SLC35A3: variants seen among roughly 807,000 people sequenced by gnomAD.
The protein encoded by SLC35A3 is solute carrier family 35 member A3.
SLC35A3 carries 26 observed loss-of-function variants against 39.0 expected under a neutral mutation model. That is an observed-to-expected ratio of 0.67 (90% confidence interval 0.49 to 0.92). SLC35A3 has a LOEUF of 0.92. SLC35A3 is among the 40% of genes least tolerant of loss of function. The probability of loss-of-function intolerance (pLI) is 0.00; values close to 1 mark genes in which losing one functional copy is unlikely to be tolerated. For synonymous variants in SLC35A3, 135 were observed against 133.1 expected, an observed-to-expected ratio of 1.01 and a Z score of -0.10; for missense variants, 299 against 371.6, an observed-to-expected ratio of 0.80 and a Z score of 1.61.
intron 3 of SLC35A3, chr1:100,000,567 T>C (rs1411229910): frequency 6.6e-6 from 1 of 152,140 alleles, no homozygotes; most frequent in African/African-American, 2.4e-5. Flanking sequence ...TAGTTTAATA[T>C]AGTTCCATTA....
intron 3 of SLC35A3, among the ~76,000 whole-genome samples, chr1:100,003,138 G>A (rs1184377773): frequency 6.6e-6 from 1 of 151,920 alleles, no homozygotes; most frequent in Non-Finnish European, 1.5e-5. Flanking sequence ...TTTCTAGGCT[G>A]GGCACAGTGG....
chr1:99,977,087 A>G (rs1657150040), intron 1 of SLC35A3, among the ~76,000 whole-genome samples: 1 of 152,230 alleles, frequency 6.6e-6, no homozygotes, highest in Non-Finnish European at 1.5e-5. Flanking sequence ...AAAATCATTT[A>G]TGAATGCTAC....
intron 6 of SLC35A3, 77 bp downstream of exon 6, chr1:100,015,497 A>G (rs1263629824): frequency 6.9e-7 from 1 of 1,445,550 alleles, no homozygotes; most frequent in African/African-American, 1.6e-5. Flanking sequence ...CTCCTGATAT[A>G]CTGATGTGAG....
chr1:99,998,991 GT>G (rs1487954249), intron 2 of SLC35A3, among the ~76,000 whole-genome samples: 7 of 151,964 alleles, frequency 4.6e-5, no homozygotes, highest in Middle Eastern at 3.2e-3. Context: ...ATAAATATGT[GT>G]TTGTATGTGT....
chr1:100,011,702 ATTTATTTAT>A (rs2101373571), intron 5 of SLC35A3, among the ~76,000 whole-genome samples, 169 bp downstream of exon 5: 1 of 129,542 alleles, frequency 7.7e-6, no homozygotes, highest in East Asian at 2.1e-4. Context: ...TTATTTATTT[ATTTATTTAT>A]TTATTTATTT....
intron 1 of SLC35A3, among the ~76,000 whole-genome samples, chr1:99,977,883 T>C (rs1657213567): frequency 6.6e-6 from 1 of 152,158 alleles, no homozygotes; most frequent in Non-Finnish European, 1.5e-5. Context: ...CACTGGAAAA[T>C]GCTAGAACCT....
At chr1:100,017,334 A>G (rs1472568451) in intron 6 of SLC35A3, among the ~76,000 whole-genome samples, 1 of 152,228 alleles carries the variant, frequency 6.6e-6, no homozygotes, top group African/African-American at 2.4e-5. Context: ...AAAAGTAAAA[A>G]TATTTCACTA....
chr1:99,990,728 C>T (rs115502992), intron 1 of SLC35A3, among the ~76,000 whole-genome samples: 2 of 152,156 alleles, frequency 1.3e-5, no homozygotes, highest in East Asian at 1.9e-4. Context: ...CTCTTCTCCT[C>T]TCTGTCCCCT....
At chr1:100,009,534 A>C (rs1373138531) in intron 4 of SLC35A3, 1 of 152,218 alleles carries the variant, frequency 6.6e-6, no homozygotes, top group Non-Finnish European at 1.5e-5. Flanking sequence ...GGCTCACTGG[A>C]GAGTTGGAAG....
intron 5 of SLC35A3, among the ~76,000 whole-genome samples, chr1:100,013,303 C>A (rs969113280): frequency 1.3e-4 from 20 of 151,310 alleles, no homozygotes; most frequent in Non-Finnish European, 2.9e-4. Context: ...ATAGTGAGAC[C>A]CTGTTTCTTA....
intron 2 of SLC35A3, among the ~76,000 whole-genome samples, chr1:99,997,388 G>C (rs12048497): frequency 0.012 from 1,184 of 101,748 alleles, 25 homozygotes; most frequent in East Asian, 0.05. Flanking sequence ...AATATATACA[G>C]TTATATGTTT....
At chr1:100,008,287 A>G (rs1014437426) in intron 4 of SLC35A3, 3 of 152,188 alleles carry the variant, frequency 2.0e-5, no homozygotes, top group Admixed American at 6.5e-5. Context: ...GAGTATTACA[A>G]AAGTTTAAGT....
chr1:100,006,984 C>G lies in SLC35A3; in HGVS notation c.343-50C>G, dbSNP rs558927804. ...CATTTCTAATAGTACTCTTAAGGAA[C>G]AAACAAACAAACAAACGAACATTAA... On this transcript the variant is annotated intron_variant, in intron 3 of 7. Transcript: ENST00000533028. The G allele has an allele frequency of 9.9e-5, 148 of 1,496,526 alleles. 1 individual carries two copies. The South Asian group carries it at 1.8e-3, about 18-fold the overall frequency. 92.7% of individuals were successfully genotyped at this position (1,496,526 alleles called of 1,614,324 possible).
At chr1:99,974,945 T>C (rs918658967) in intron 1 of SLC35A3, 5 of 151,984 alleles carry the variant, frequency 3.3e-5, no homozygotes, top group African/African-American at 1.2e-4. Context: ...TTGACCTGCA[T>C]TTGTCTTTTT....
chr1:100,012,750 A>G (rs577370398), intron 5 of SLC35A3, among the ~76,000 whole-genome samples: 6 of 152,354 alleles, frequency 3.9e-5, no homozygotes, highest in South Asian at 2.1e-4. Flanking sequence ...ATAAAAGTCT[A>G]TCCTATAAGA....
At chr1:99,973,402 T>C (rs1656926804) in intron 1 of SLC35A3, among the ~76,000 whole-genome samples, 1 of 152,248 alleles carries the variant, frequency 6.6e-6, no homozygotes, top group African/African-American at 2.4e-5. Context: ...TTCTTAAGTA[T>C]GTTCAACTTA....
Position 100,022,482 on chromosome 1 carries a change from T to C in SLC35A3, c.*6T>C. On this transcript the variant is annotated 3_prime_UTR_variant, in exon 8 of 8. Coordinates refer to ENST00000533028, the MANE Select transcript of SLC35A3 (RefSeq NM_012243.3). ...GAAATCCCACTAAAGCATAGTTGTATACTATCTTTAACTGGTTTTTCACGA... is the reference window on the plus strand; with the variant it reads ...GAAATCCCACTAAAGCATAGTTGTACACTATCTTTAACTGGTTTTTCACGA... 2.0e-6 allele frequency: 3 copies of C among 1,499,100 alleles called. No homozygotes were observed. The highest frequency in any genetic ancestry group is 3.4e-4 in the Middle Eastern group (2 of 5,802). The allele number at this position is 1,499,100 out of a possible 1,614,324, so 92.9% of individuals were successfully genotyped here. A position where few individuals can be genotyped will look rare whatever the true frequency, so the allele number is the denominator to read the frequency against.
At chr1:100,021,647 G>A (rs1660557478) in intron 7 of SLC35A3, among the ~76,000 whole-genome samples, 1 of 152,148 alleles carries the variant, frequency 6.6e-6, no homozygotes, top group Non-Finnish European at 1.5e-5. Context: ...TCCAGAGCCT[G>A]AGGGACTGAG....
chr1:100,011,131 T>A (rs916226354), intron 4 of SLC35A3, among the ~76,000 whole-genome samples: 1 of 152,192 alleles, frequency 6.6e-6, no homozygotes, highest in African/African-American at 2.4e-5. Context: ...ATAGATGAAA[T>A]GTAAAATATT....
Sources: allele counts gnomAD v4.1 joint callset (sites outside exome capture counted in the v4.1 genomes callset), GRCh38; gene constraint gnomAD v4.1.1; transcripts MANE v1.5; gene names NCBI Gene and HGNC (gene_info 2026-07-23, HGNC 2026-07-21).